RNF111: variants seen among roughly 807,000 people sequenced by gnomAD.
RNF111 encodes E3 ubiquitin-protein ligase Arkadia.
Under a neutral mutation model 95.1 loss-of-function variants are expected in RNF111, and 17 were observed. The ratio of observed to expected loss-of-function variants is 0.18; its 90% CI spans 0.12 to 0.27. The LOEUF (loss-of-function observed/expected upper bound fraction) is 0.27, where lower values mean the gene tolerates loss of function less well. RNF111 is among the 10% of genes least tolerant of loss of function. The pLI, the probability that RNF111 is intolerant of heterozygous loss-of-function variation, is 1.00. For missense variants in RNF111, 1,189 were observed against 1,210.4 expected (o/e 0.98, Z 0.26); for synonymous variants, 440 against 414.8 (o/e 1.06, Z -0.74).
intron 2 of RNF111, among the ~76,000 whole-genome samples, chr15:59,044,116 C>T (rs553185106): frequency 3.3e-5 from 5 of 152,258 alleles, no homozygotes; most frequent in Admixed American, 2.6e-4. Flanking sequence ...CTGCAACCCC[C>T]ACCTCCCGGG....
At chr15:59,054,579 A>G (rs1244695350) in intron 3 of RNF111, among the ~76,000 whole-genome samples, 1 of 152,290 alleles carries the variant, frequency 6.6e-6, no homozygotes, top group African/African-American at 2.4e-5. Flanking sequence ...CTATACCACA[A>G]CTGTTTCTGA....
At chr15:59,045,571 C>A (rs2041669695) in intron 2 of RNF111, among the ~76,000 whole-genome samples, 1 of 152,104 alleles carries the variant, frequency 6.6e-6, no homozygotes, top group Non-Finnish European at 1.5e-5. Context: ...ATGAAGTTGA[C>A]ATATAGATAT....
chr15:59,071,321 TA>T (rs1172309525), intron 6 of RNF111, among the ~76,000 whole-genome samples: 2 of 138,924 alleles, frequency 1.4e-5, no homozygotes, highest in African/African-American at 5.4e-5. Flanking sequence ...AAAAAAAGAA[TA>T]CGAAGAAGTG....
rs1379807182 is a variant in RNF111 at position 59,066,803 on chromosome 15, C to G, written c.1406C>G (p.Thr469Ser). 3 of 1,614,032 alleles carry G rather than the reference C, an allele frequency of 1.9e-6. No homozygotes were observed. The East Asian group carries it at 6.7e-5, about 36-fold the overall frequency. ...RRTTSSAVTE[T>S]GPPAMPRLPS... Reference sequence around the variant, plus strand: ...ACTACATCTAGTGCTGTAACGGAAACTGGCCCTCCTGCAATGCCAAGGTTA... The same window carrying G: ...ACTACATCTAGTGCTGTAACGGAAAGTGGCCCTCCTGCAATGCCAAGGTTA... The change falls in exon 6 of 14, where the codon ACT becomes AGT. Residue 469 changes from threonine to serine, a missense_variant. By Grantham distance (58) the Thr-to-Ser change is moderately conservative. Around this residue, in one of 2 missense-constraint regions of RNF111, gnomAD observed 1,024 missense variants for 925.9 expected, o/e 1.11. Coordinates refer to ENST00000348370, the MANE Select transcript of RNF111 (RefSeq NM_017610.8).
intron 7 of RNF111, among the ~76,000 whole-genome samples, chr15:59,078,332 G>T (rs12901391): frequency 1.3e-5 from 2 of 152,104 alleles, no homozygotes; most frequent in Admixed American, 1.3e-4. Flanking sequence ...AACTGTACTT[G>T]AAATGCTATT....
intron 12 of RNF111, among the ~76,000 whole-genome samples, chr15:59,091,790 T>C (rs2140247825): frequency 6.6e-6 from 1 of 152,308 alleles, no homozygotes; most frequent in South Asian, 2.1e-4. Context: ...GCAGAGGGGA[T>C]AGTTTCAGAA....
At chr15:58,989,232 T>A (rs1263626710) in intron 1 of RNF111, among the ~76,000 whole-genome samples, 1 of 152,228 alleles carries the variant, frequency 6.6e-6, no homozygotes, top group East Asian at 1.9e-4. Context: ...TTCACCCTAG[T>A]CTGGTTATAT....
chr15:59,058,555 G>A lies in RNF111; in HGVS notation c.1366+5G>A. On this transcript the variant is annotated splice_donor_5th_base_variant and intron_variant, in intron 5 of 13. Transcript: ENST00000348370. ...CCACTGGCACTTCTATAGGAGGTAT[G>A]TAAAAAAGTGGGGGAGGGGAGACTT... The A allele has an allele frequency of 6.2e-7, 1 of 1,613,140 alleles. No individual in the cohort carries two copies. Among genetic ancestry groups the A allele is most frequent in the South Asian group, 1.1e-5 (1 of 91,066 alleles).
intron 2 of RNF111, among the ~76,000 whole-genome samples, chr15:59,035,942 C>T (rs921139527): frequency 2.6e-5 from 4 of 152,178 alleles, no homozygotes; most frequent in Admixed American, 2.6e-4. Context: ...TTACCCAGTT[C>T]GAAAGTTGCT....
intron 7 of RNF111, among the ~76,000 whole-genome samples, chr15:59,078,082 C>T (rs2078619453): frequency 6.6e-6 from 1 of 152,136 alleles, no homozygotes; most frequent in Non-Finnish European, 1.5e-5. Context: ...AGTTGACCTC[C>T]CAGCTCTGAC....
At chr15:59,037,227 A>G (rs564781639) in intron 2 of RNF111, among the ~76,000 whole-genome samples, 1 of 152,126 alleles carries the variant, frequency 6.6e-6, no homozygotes, top group Non-Finnish European at 1.5e-5. Flanking sequence ...AGGGATTTCT[A>G]TTATGTGTAG....
chr15:59,034,185 G>T (rs1397079555), intron 2 of RNF111, among the ~76,000 whole-genome samples: 3 of 152,058 alleles, frequency 2.0e-5, no homozygotes, highest in African/African-American at 7.3e-5. Flanking sequence ...CATTTGCATA[G>T]TATTCCCTTT....
chr15:59,029,845 A>G (rs1348692459), intron 1 of RNF111, among the ~76,000 whole-genome samples: 2 of 152,220 alleles, frequency 1.3e-5, no homozygotes, highest in African/African-American at 2.4e-5. Context: ...TCATTCATCT[A>G]TAAACTTAGA....
chr15:59,044,123 C>T lies in RNF111; in HGVS notation c.881-8182C>T, dbSNP rs57629829. 2.0e-5 allele frequency among the ~76,000 whole-genome samples: 3 copies of T among 152,274 alleles called. No homozygotes were observed. In the South Asian group the frequency reaches 6.2e-4, roughly 32 times the overall value. ...TCGGCTCACTGCAACCCCCACCTCC[C>T]GGGTTCAAGCGATTCTCCTGCCTCA... On this transcript the variant is annotated intron_variant, in intron 2 of 13. Transcript: ENST00000348370.
chr15:59,042,644 T>C (rs2041522244), intron 2 of RNF111, among the ~76,000 whole-genome samples: 1 of 152,166 alleles, frequency 6.6e-6, no homozygotes, highest in South Asian at 2.1e-4. Context: ...TTTTTTTTCA[T>C]GTGACTATAC....
At chr15:59,017,019 G>C (rs1289755004) in intron 1 of RNF111, among the ~76,000 whole-genome samples, 1 of 151,784 alleles carries the variant, frequency 6.6e-6, no homozygotes, top group Non-Finnish European at 1.5e-5. Context: ...AGTTGCAGGA[G>C]AGCAAGCTCA....
intron 1 of RNF111, among the ~76,000 whole-genome samples, chr15:58,998,052 G>T (rs980966246): frequency 6.6e-6 from 1 of 151,226 alleles, no homozygotes; most frequent in African/African-American, 2.4e-5. Flanking sequence ...TTACAGGCCC[G>T]TGCCACCACA....
In RNF111 at chr15:59,055,927, G is replaced by C. The variant is rs2042183559; in HGVS notation, c.1171+82G>C. On this transcript the variant is annotated intron_variant, in intron 4 of 13. Coordinates refer to ENST00000348370, the MANE Select transcript of RNF111 (RefSeq NM_017610.8). ...TCTTAATATGCTAGAAACTCCTCCT[G>C]CTTACTGGTAATATATTATTAAACT... 2.2e-5 allele frequency: 23 copies of C among 1,068,820 alleles called. No homozygotes were observed. In the South Asian group the frequency reaches 4.4e-4, roughly 20 times the overall value. The allele number at this position is 1,068,820 out of a possible 1,614,324, so 66.2% of individuals were successfully genotyped here. A position where few individuals can be genotyped will look rare whatever the true frequency, so the allele number is the denominator to read the frequency against.
intron 2 of RNF111, among the ~76,000 whole-genome samples, chr15:59,045,608 T>C (rs1485676464): frequency 6.6e-6 from 1 of 152,220 alleles, no homozygotes; most frequent in African/African-American, 2.4e-5. Context: ...GAATTGGTAA[T>C]GCCCAGTTTA....
Sources: gnomAD v4.1 joint callset for allele counts (sites outside exome capture counted in the v4.1 genomes callset) on GRCh38, gnomAD v4.1.1 for gene constraint, gnomAD v4.1.1 regional missense constraint, MANE v1.5 for transcripts, NCBI Gene and HGNC (gene_info 2026-07-23, HGNC 2026-07-21) for gene names.